Variants in RAD9B observed in about 807,000 individuals in gnomAD.
RAD9B encodes the protein RAD9 checkpoint clamp component B, also known as cell cycle checkpoint control protein RAD9B.
A neutral mutation model predicts 48.3 loss-of-function variants in RAD9B; 41 were observed. That is an observed-to-expected ratio of 0.85 (90% CI 0.66 to 1.10). RAD9B has a LOEUF of 1.10. Among genes scored for constraint, RAD9B ranks in the 50% least tolerant of loss-of-function variants. The probability of loss-of-function intolerance (pLI) is 0.00; values close to 1 mark genes in which losing one functional copy is unlikely to be tolerated. For missense variants in RAD9B, 444 were observed against 485.1 expected (o/e 0.92, Z 0.80); for synonymous variants, 160 against 157.9 (o/e 1.01, Z -0.10).
At chr12:110,526,358 G>C (rs376970995) in intron 10 of RAD9B, among the ~76,000 whole-genome samples, 4 of 152,176 alleles carry the variant, frequency 2.6e-5, no homozygotes, top group African/African-American at 9.7e-5. Context: ...CCAGCCATAT[G>C]AGACTTACAG....
At position 110,506,559 on chromosome 12, in the gene RAD9B, T is replaced by C; in HGVS notation, c.274-20T>C. 1 of 1,081,036 alleles carries C rather than the reference T, an allele frequency of 9.3e-7. No individual in the cohort carries two copies. The highest frequency in any genetic ancestry group is 1.4e-6 in the Non-Finnish European group (1 of 695,896). 67.0% of individuals were successfully genotyped at this position (1,081,036 alleles called of 1,614,324 possible). A position where few individuals can be genotyped will look rare whatever the true frequency, so the allele number is the denominator to read the frequency against. ...TCAACCATGTTAAGTATGTGCTTAA[T>C]ATGTATATTTCTGTTACAGTCAATT... is the stretch of plus-strand genomic sequence containing the variant. On this transcript the variant is annotated intron_variant, in intron 3 of 10. Transcript: ENST00000409300.
chr12:110,503,690 A>T (rs2063169366), intron 1 of RAD9B, 116 bp from the exon 2 acceptor site: 1 of 739,006 alleles, frequency 1.4e-6, no homozygotes, highest in Admixed American at 2.2e-5. Context: ...ATTAGTCTGT[A>T]AGATACTGTT....
chr12:110,518,933 TG>T lies in RAD9B; in HGVS notation c.765del (p.Lys256AsnfsTer5). ...APISIYFDFPGKPLALSIDDM... is the reference protein window; with the variant it reads ...APISIYFDFPXKPLALSIDDM... Reference sequence around the variant, plus strand: ...CTATATCCATTTATTTTGATTTCCCTGGGAAGTAGGTCCTTGAGAATTTTTC... The same window carrying T: ...CTATATCCATTTATTTTGATTTCCCTGGAAGTAGGTCCTTGAGAATTTTTC... On this transcript the variant is annotated frameshift_variant, in exon 8 of 11. Transcript: ENST00000409300. LOFTEE classifies it high-confidence loss of function. The T allele has an allele frequency of 6.4e-7, 1 of 1,560,192 alleles. No individual in the cohort carries two copies. The highest frequency in any genetic ancestry group is 8.7e-7 in the Non-Finnish European group (1 of 1,152,616).
At chr12:110,514,643 C>A (rs1205287546) in intron 5 of RAD9B, among the ~76,000 whole-genome samples, 1 of 152,174 alleles carries the variant, frequency 6.6e-6, no homozygotes, top group Non-Finnish European at 1.5e-5. Context: ...GAAACCTCTG[C>A]CCCCACATCT....
In RAD9B at chr12:110,530,924, A is replaced by G. The variant is rs1457832930; in HGVS notation, c.*271A>G. The G allele has an allele frequency of 1.7e-6, 2 of 1,169,576 alleles. No homozygotes were observed. The highest frequency in any genetic ancestry group is 2.1e-6 in the Non-Finnish European group (2 of 943,162). The allele number at this position is 1,169,576 out of a possible 1,614,324, so 72.4% of individuals were successfully genotyped here. A position where few individuals can be genotyped will look rare whatever the true frequency, so the allele number is the denominator to read the frequency against. On this transcript the variant is annotated 3_prime_UTR_variant, in exon 11 of 11. Transcript: ENST00000409300. ...AAGCCCATTAGAGTTCTTCAATTCAATGCACGTTCACCCTAGAGCTTTTAA... is the reference window on the plus strand; with the variant it reads ...AAGCCCATTAGAGTTCTTCAATTCAGTGCACGTTCACCCTAGAGCTTTTAA...
At chr12:110,528,312 T>C (rs113502830) in intron 10 of RAD9B, among the ~76,000 whole-genome samples, 5 of 152,182 alleles carry the variant, frequency 3.3e-5, no homozygotes, top group African/African-American at 1.2e-4. Context: ...ATGGATTGGT[T>C]ATGGGGGTTA....
intron 4 of RAD9B, among the ~76,000 whole-genome samples, chr12:110,511,921 A>G (rs920205106): frequency 6.6e-6 from 1 of 151,290 alleles, no homozygotes; most frequent in Non-Finnish European, 1.5e-5. Context: ...ATCTCGGCTC[A>G]CTGCAACCTC....
chr12:110,522,181 G>C lies in RAD9B; in HGVS notation c.895G>C (p.Asp299His). 2 of 1,574,676 alleles carry C rather than the reference G, an allele frequency of 1.3e-6. No homozygotes were observed. The highest frequency in any genetic ancestry group is 1.7e-6 in the Non-Finnish European group (2 of 1,159,314). Residue 299 changes from aspartate to histidine, a missense_variant, in exon 10 of 11, where the codon GAT becomes CAT. Coordinates refer to ENST00000409300, the MANE Select transcript of RAD9B (RefSeq NM_001286535.2). ...TAATGCCTATTAATACCTCAGGTCAGATCTGATTGAAAAAAAGGCTGGCAA... is the reference window on the plus strand; with the variant it reads ...TAATGCCTATTAATACCTCAGGTCACATCTGATTGAAAAAAAGGCTGGCAA... ...LCLSQKRKRS[D>H]LIEKKAGKNV...
At chr12:110,503,655 T>C (rs2063168113) in intron 1 of RAD9B, 151 bp from the exon 2 acceptor site, 1 of 630,520 alleles carries the variant, frequency 1.6e-6, no homozygotes, top group South Asian at 1.9e-5. Flanking sequence ...GCCAAGGGTA[T>C]TATACTGTAT....
chr12:110,504,456 G>A (rs1329223723), intron 2 of RAD9B, among the ~76,000 whole-genome samples: 1 of 144,794 alleles, frequency 6.9e-6, no homozygotes, highest in African/African-American at 2.6e-5. Flanking sequence ...CTGGGCAACA[G>A]AGTGAGAGTG....
chr12:110,512,130 C>T (rs934643217), intron 4 of RAD9B, among the ~76,000 whole-genome samples: 11 of 151,730 alleles, frequency 7.2e-5, no homozygotes, highest in African/African-American at 2.7e-4. Flanking sequence ...CATGCGTGAG[C>T]CACCGTGCCT....
At chr12:110,518,549 G>A (rs1389637029) in intron 6 of RAD9B, 127 bp from the exon 7 acceptor site, 3 of 561,320 alleles carry the variant, frequency 5.3e-6, no homozygotes, top group Non-Finnish European at 9.5e-6. Flanking sequence ...GATATCAGGT[G>A]GGGAAGTTAG....
rs2064168727 is a variant in RAD9B at position 110,532,610 on chromosome 12, T to C, written c.*1957T>C. Among the ~76,000 whole-genome samples, 1 of 152,244 alleles carries C rather than the reference T, an allele frequency of 6.6e-6. No individual in the cohort carries two copies. The highest frequency in any genetic ancestry group is 1.5e-5 in the Non-Finnish European group (1 of 68,030). On this transcript the variant is annotated 3_prime_UTR_variant, in exon 11 of 11. Transcript: ENST00000409300. ...AGTGCTAAGCTGAAATACAGTCATGTGCTGCATAACAACGTTTTGGTCAAC... is the reference window on the plus strand; with the variant it reads ...AGTGCTAAGCTGAAATACAGTCATGCGCTGCATAACAACGTTTTGGTCAAC...
At chr12:110,508,404 T>C (rs1009569478) in intron 4 of RAD9B, among the ~76,000 whole-genome samples, 5 of 152,198 alleles carry the variant, frequency 3.3e-5, no homozygotes. Context: ...GAATACTTGG[T>C]ATTCAGTATC....
In RAD9B at chr12:110,518,940, T is replaced by C; in HGVS notation, c.767+2T>C. 1 of 1,549,276 alleles carries C rather than the reference T, an allele frequency of 6.5e-7. No individual in the cohort carries two copies. Among genetic ancestry groups the C allele is most frequent in the Non-Finnish European group, 8.7e-7 (1 of 1,146,668 alleles). Reference sequence around the variant, plus strand: ...CATTTATTTTGATTTCCCTGGGAAGTAGGTCCTTGAGAATTTTTCTGAGCT... The same window carrying C: ...CATTTATTTTGATTTCCCTGGGAAGCAGGTCCTTGAGAATTTTTCTGAGCT... On this transcript the variant is annotated splice_donor_variant, in intron 8 of 10. Coordinates refer to ENST00000409300, the MANE Select transcript of RAD9B (RefSeq NM_001286535.2). LOFTEE classifies it high-confidence loss of function.
intron 5 of RAD9B, 76 bp from the exon 6 acceptor site, chr12:110,514,974 T>C: frequency 1.2e-6 from 1 of 847,050 alleles, no homozygotes; most frequent in Non-Finnish European, 1.8e-6. Context: ...GATTAGAGAT[T>C]TGAGTCCCAG....
intron 5 of RAD9B, 106 bp downstream of exon 5, chr12:110,512,984 T>A (rs2063504889): frequency 1.8e-5 from 11 of 615,278 alleles, no homozygotes; most frequent in South Asian, 1.6e-4. Flanking sequence ...TTTTTTTTTT[T>A]ATATGGAGTC....
intron 9 of RAD9B, among the ~76,000 whole-genome samples, chr12:110,520,651 T>G (rs12303111): frequency 1.8e-5 from 2 of 110,932 alleles, no homozygotes; most frequent in Admixed American, 8.6e-5. Context: ...TTTTTTGTTG[T>G]TTTTTTTTTG....
Position 110,522,384 on chromosome 12 carries a change from A to G in RAD9B, c.1098A>G (p.Glu366=). Residue 366 remains glutamate, a synonymous_variant, in exon 10 of 11, where the codon GAA becomes GAG. Coordinates refer to ENST00000409300, the MANE Select transcript of RAD9B (RefSeq NM_001286535.2). ...VSESSVSNTE[E]VPGSLCLRKF... Reference sequence around the variant, plus strand: ...AAAGCAGTGTCAGCAACACAGAGGAAGTGCCAGGGTCTCTGTGTCTCAGAA... The same window carrying G: ...AAAGCAGTGTCAGCAACACAGAGGAGGTGCCAGGGTCTCTGTGTCTCAGAA... 1 of 1,611,790 alleles carries G rather than the reference A, an allele frequency of 6.2e-7. No individual in the cohort carries two copies. The highest frequency in any genetic ancestry group is 8.5e-7 in the Non-Finnish European group (1 of 1,178,796).
Sources: allele counts gnomAD v4.1 joint callset (sites outside exome capture counted in the v4.1 genomes callset), GRCh38; gene constraint gnomAD v4.1.1; transcripts MANE v1.5; gene names NCBI Gene and HGNC (gene_info 2026-07-23, HGNC 2026-07-21).